GRB10: variants seen among roughly 807,000 people sequenced by gnomAD.
GRB10 encodes growth factor receptor-bound protein 10.
In GRB10, 20 loss-of-function variants were observed where a neutral mutation model predicts 80.9. That is an observed-to-expected ratio of 0.25 (90% CI 0.17 to 0.36). The LOEUF (loss-of-function observed/expected upper bound fraction) is 0.36. Ranked by LOEUF, GRB10 falls within the 10% of genes least tolerant of loss-of-function variation. The probability of loss-of-function intolerance (pLI) is 1.00; values close to 1 mark genes in which losing one functional copy is unlikely to be tolerated. For synonymous variants in GRB10, 291 were observed against 291.5 expected (o/e 1.00, Z 0.02); for missense variants, 548 against 747.7 (o/e 0.73, Z 3.12).
At chr7:50,685,500 G>C (rs370037336) in intron 5 of GRB10, among the ~76,000 whole-genome samples, 1 of 152,174 alleles carries the variant, frequency 6.6e-6, no homozygotes, top group African/African-American at 2.4e-5. Flanking sequence ...GGGATCCCAA[G>C]CCCCAGCGTT....
At chr7:50,792,554 T>C in intron 1 of GRB10, 1 of 398,392 alleles carries the variant, frequency 2.5e-6, no homozygotes, top group East Asian at 3.6e-5. Context: ...ACGGTACCGC[T>C]CTTATCACAT....
chr7:50,688,843 G>T (rs1176584682), intron 5 of GRB10, among the ~76,000 whole-genome samples: 1 of 152,170 alleles, frequency 6.6e-6, no homozygotes, highest in African/African-American at 2.4e-5. Context: ...AAACCGAACT[G>T]TCGGCAAGCA....
intron 8 of GRB10, among the ~76,000 whole-genome samples, chr7:50,622,619 T>C (rs1219619600): frequency 6.6e-6 from 1 of 152,174 alleles, no homozygotes; most frequent in Non-Finnish European, 1.5e-5. Flanking sequence ...CTGACCTTAG[T>C]ATGCCTGATG....
chr7:50,712,801 A>G (rs1174063177), intron 4 of GRB10, among the ~76,000 whole-genome samples: 1 of 152,270 alleles, frequency 6.6e-6, no homozygotes, highest in Non-Finnish European at 1.5e-5. Flanking sequence ...GAGTCTATCA[A>G]TCATTTACAT....
intron 2 of GRB10, among the ~76,000 whole-genome samples, chr7:50,768,105 C>A (rs1334662353): frequency 6.6e-6 from 1 of 152,164 alleles, no homozygotes; most frequent in Admixed American, 6.5e-5. Flanking sequence ...TCTCCCAACA[C>A]CCCCAGCTCC....
intron 6 of GRB10, among the ~76,000 whole-genome samples, chr7:50,671,282 G>T (rs1326282424): frequency 6.6e-6 from 1 of 152,218 alleles, no homozygotes; most frequent in South Asian, 2.1e-4. Context: ...CCCATCATAG[G>T]CTGTGTCCTC....
At chr7:50,676,429 C>A (rs1001925549) in intron 5 of GRB10, among the ~76,000 whole-genome samples, 4 of 151,674 alleles carry the variant, frequency 2.6e-5, no homozygotes, top group Admixed American at 2.0e-4. Context: ...TATTTATTAG[C>A]CCTATTTCAT....
chr7:50,702,727 T>C (rs1443206253), intron 5 of GRB10, among the ~76,000 whole-genome samples: 17 of 152,174 alleles, frequency 1.1e-4, no homozygotes, highest in Non-Finnish European at 1.0e-4. Context: ...GTGCTCCACG[T>C]TCTGTGCTGC....
intron 17 of GRB10, 71 bp from the exon 18 acceptor site, chr7:50,595,601 TTACACA>T: frequency 1.8e-6 from 1 of 556,336 alleles, no homozygotes; most frequent in Non-Finnish European, 3.1e-6. Flanking sequence ...ACACACTCTC[TTACACA>T]CACACACACA....
chr7:50,709,193 T>A (rs776322138), intron 4 of GRB10, among the ~76,000 whole-genome samples: 3 of 152,208 alleles, frequency 2.0e-5, no homozygotes, highest in Non-Finnish European at 4.4e-5. Context: ...TTCATAAAGA[T>A]GAACACGAGA....
At chr7:50,719,529 A>C (rs1440437489) in intron 4 of GRB10, among the ~76,000 whole-genome samples, 1 of 29,156 alleles carries the variant, frequency 3.4e-5, no homozygotes. Context: ...TGTCGGGGGT[A>C]GGGGGCGAGG....
chr7:50,723,839 T>G (rs1052343992), intron 4 of GRB10, among the ~76,000 whole-genome samples: 24 of 151,900 alleles, frequency 1.6e-4, no homozygotes, highest in African/African-American at 5.6e-4. Flanking sequence ...GAGAAAAGAC[T>G]AGAACAGCTG....
intron 5 of GRB10, among the ~76,000 whole-genome samples, chr7:50,694,339 C>T (rs910493627): frequency 2.6e-5 from 4 of 152,200 alleles, no homozygotes; most frequent in South Asian, 4.2e-4. Context: ...CAAACACACA[C>T]CACCAAAATC....
chr7:50,728,270 A>AAT (rs1554606762), intron 4 of GRB10, among the ~76,000 whole-genome samples: 5 of 152,008 alleles, frequency 3.3e-5, no homozygotes, highest in African/African-American at 1.2e-4. Flanking sequence ...CTTTCACTAA[A>AAT]AATAATAATA....
intron 3 of GRB10, among the ~76,000 whole-genome samples, chr7:50,749,136 T>TG (rs1554295282): frequency 6.8e-5 from 10 of 146,736 alleles, no homozygotes; most frequent in Admixed American, 4.7e-4. Context: ...TTTTGTTTGT[T>TG]TTTTTTTTTT....
chr7:50,764,777 G>C (rs2076153283), intron 2 of GRB10, among the ~76,000 whole-genome samples: 1 of 152,196 alleles, frequency 6.6e-6, no homozygotes, highest in Non-Finnish European at 1.5e-5. Context: ...CTGACAGAAG[G>C]CAAGTGTTTA....
intron 10 of GRB10, among the ~76,000 whole-genome samples, chr7:50,617,408 T>C (rs531215052): frequency 6.6e-6 from 1 of 152,296 alleles, no homozygotes; most frequent in South Asian, 2.1e-4. Flanking sequence ...ACTTTTAACA[T>C]GTACACAGGC....
intron 5 of GRB10, among the ~76,000 whole-genome samples, chr7:50,698,511 G>A (rs1007021366): frequency 2.0e-5 from 3 of 152,138 alleles, no homozygotes; most frequent in Admixed American, 6.5e-5. Context: ...TGTAGAATAC[G>A]CAGCAGGGTT....
chr7:50,719,626 G>A (rs941011812), intron 4 of GRB10, among the ~76,000 whole-genome samples: 2 of 151,966 alleles, frequency 1.3e-5, no homozygotes, highest in Non-Finnish European at 2.9e-5. Flanking sequence ...AACCACCATG[G>A]CACATGTATA....
Sources: gnomAD v4.1 joint callset for allele counts (sites outside exome capture counted in the v4.1 genomes callset) on GRCh38, gnomAD v4.1.1 for gene constraint, MANE v1.5 for transcripts, NCBI Gene and HGNC (gene_info 2026-07-23, HGNC 2026-07-21) for gene names.